Variants in RBCK1 observed in about 807,000 individuals in gnomAD.
The protein encoded by RBCK1 is ranBP-type and C3HC4-type zinc finger-containing protein 1.
In RBCK1, 44 loss-of-function variants were observed where a neutral mutation model predicts 71.1. The ratio of observed to expected loss-of-function variants is 0.62; its 90% CI spans 0.49 to 0.80. The LOEUF is 0.80. Among genes scored for constraint, RBCK1 ranks in the 30% least tolerant of loss-of-function variants. The pLI is 0.00. For synonymous variants in RBCK1, 306 were observed against 279.7 expected (o/e 1.09, Z -0.94); for missense variants, 569 against 685.0 (o/e 0.83, Z 1.89).
intron 2 of RBCK1, among the ~76,000 whole-genome samples, chr20:415,846 A>T (rs530780138): frequency 5.6e-4 from 85 of 152,328 alleles, no homozygotes; most frequent in African/African-American, 1.8e-3. Flanking sequence ...GGGAGCAGGC[A>T]CTTCACATGG....
chr20:418,931 T>C (rs1402626244), intron 4 of RBCK1, among the ~76,000 whole-genome samples: 2 of 152,232 alleles, frequency 1.3e-5, no homozygotes, highest in African/African-American at 4.8e-5. Flanking sequence ...AGCAAAAGAC[T>C]TGGCATTCTG....
intron 8 of RBCK1, among the ~76,000 whole-genome samples, 190 bp from the exon 9 acceptor site, chr20:427,123 G>C (rs1168732100): frequency 6.6e-6 from 1 of 152,080 alleles, no homozygotes; most frequent in Non-Finnish European, 1.5e-5. Context: ...ACAAGTGTAA[G>C]CCACCACACC....
Position 428,543 on chromosome 20 carries a change from G to C in RBCK1, c.1262G>C (p.Arg421Pro). 6.2e-7 allele frequency: 1 copy of C among 1,612,792 alleles called. No individual in the cohort carries two copies. Among genetic ancestry groups the C allele is most frequent in the Non-Finnish European group, 8.5e-7 (1 of 1,179,510 alleles). Residue 421 changes from arginine to proline, a missense_variant, in exon 10 of 12, where the codon CGG (arginine) becomes CCG (proline). This residue lies in a region of RBCK1 where 211 missense variants were observed against 309.4 expected (regional missense o/e 0.68). Coordinates refer to ENST00000356286, the MANE Select transcript of RBCK1 (RefSeq NM_031229.4). The surrounding 1 kb of genome is among the most constrained non-coding windows in gnomAD (Gnocchi z 5.7). ...CKEYQEDLALRAQNDVAARQT... is the reference protein window; with the variant it reads ...CKEYQEDLALPAQNDVAARQT... Reference sequence around the variant, plus strand: ...GAGTATCAGGAGGACCTGGCCCTGCGGGCTCAGAACGATGTGGCTGCCCGG... The same window carrying C: ...GAGTATCAGGAGGACCTGGCCCTGCCGGCTCAGAACGATGTGGCTGCCCGG...
chr20:423,491 T>C (rs2016549842), intron 8 of RBCK1, among the ~76,000 whole-genome samples: 3 of 152,156 alleles, frequency 2.0e-5, no homozygotes, highest in African/African-American at 7.2e-5. Context: ...CAACGGTGGA[T>C]AGAACATATT....
At chr20:415,259 C>A (rs1352510144) in intron 2 of RBCK1, among the ~76,000 whole-genome samples, 1 of 151,854 alleles carries the variant, frequency 6.6e-6, no homozygotes, top group Non-Finnish European at 1.5e-5. Context: ...TCCCAGCTAC[C>A]CAGGAGGCTG....
Position 417,707 on chromosome 20 carries a change from C to T in RBCK1, c.262-25C>T, listed in dbSNP as rs775672608. 1.2e-6 allele frequency: 2 copies of T among 1,606,438 alleles called. No homozygotes were observed. Among genetic ancestry groups the T allele is most frequent in the Admixed American group, 3.3e-5 (2 of 59,924 alleles). ...TCTCTCCTCTGGCCCTCCCTTCCCA[C>T]TCTCCCTCTCTTTGCCCCCACCAGG... is the stretch of plus-strand genomic sequence containing the variant. On this transcript the variant is annotated intron_variant, in intron 3 of 11. Coordinates refer to ENST00000356286, the MANE Select transcript of RBCK1 (RefSeq NM_031229.4). The surrounding 1 kb of genome is among the most constrained non-coding windows in gnomAD (Gnocchi z 4.7).
Position 408,534 on chromosome 20 carries a change from C to T in RBCK1, c.-224C>T, listed in dbSNP as rs775013342. Reference sequence around the variant, plus strand: ...CAGTGCGGACCTGTCTCGGCGCCCGCTGCCCTCTCACCGCCCCACGCAGGA... The same window carrying T: ...CAGTGCGGACCTGTCTCGGCGCCCGTTGCCCTCTCACCGCCCCACGCAGGA... On this transcript the variant is annotated 5_prime_UTR_variant, in exon 1 of 12. Transcript: ENST00000356286. The T allele has an allele frequency of 3.3e-4, 204 of 614,358 alleles. 1 individual carries two copies. Among genetic ancestry groups the T allele is most frequent in the Non-Finnish European group, 5.1e-4 (178 of 345,768 alleles). The allele number at this position is 614,358 out of a possible 1,614,324, so 38.1% of individuals were successfully genotyped here.
intron 2 of RBCK1, among the ~76,000 whole-genome samples, chr20:413,555 A>G (rs1283515381): frequency 6.6e-6 from 1 of 152,084 alleles, no homozygotes; most frequent in Non-Finnish European, 1.5e-5. Flanking sequence ...CTTCCACTTG[A>G]TCCCCTGAAT....
At chr20:410,090 C>T (rs2015615030) in intron 2 of RBCK1, 65 bp downstream of exon 2, 3 of 1,536,626 alleles carry the variant, frequency 2.0e-6, no homozygotes, top group African/African-American at 1.4e-5. Context: ...GCCTGTAGAA[C>T]AGTTCTTCCT....
At position 422,276 on chromosome 20, in the gene RBCK1, A is replaced by C; in HGVS notation, c.1029+38A>C. 1.3e-6 allele frequency: 2 copies of C among 1,556,504 alleles called. No individual in the cohort carries two copies. The highest frequency in any genetic ancestry group is 1.8e-6 in the Non-Finnish European group (2 of 1,129,960). ...GGTGGGAGACATACCCCAAGTCCCAACTCCTAAGGAACTGGGCCCTGAGCA... is the reference window on the plus strand; with the variant it reads ...GGTGGGAGACATACCCCAAGTCCCACCTCCTAAGGAACTGGGCCCTGAGCA... On this transcript the variant is annotated intron_variant, in intron 8 of 11. Transcript: ENST00000356286. The surrounding 1 kb of genome is among the most constrained non-coding windows in gnomAD (Gnocchi z 5.0).
chr20:430,566 T>C lies in RBCK1; in HGVS notation c.*136T>C, dbSNP rs2016968849. ...CTGCCTGCACTGCGGTTGTCCACGG[T>C]CACATCTGCCCCAGTGCCTTTGTCC... is the stretch of plus-strand genomic sequence containing the variant. On this transcript the variant is annotated 3_prime_UTR_variant, in exon 12 of 12. Coordinates refer to ENST00000356286, the MANE Select transcript of RBCK1 (RefSeq NM_031229.4). This position sits in a 1 kb window ranked among gnomAD's most constrained non-coding sequence, Gnocchi z 5.6. 1.2e-6 allele frequency: 1 copy of C among 837,528 alleles called. No homozygotes were observed. Among genetic ancestry groups the C allele is most frequent in the Admixed American group, 2.1e-5 (1 of 47,436 alleles). The allele number at this position is 837,528 out of a possible 1,614,324, so 51.9% of individuals were successfully genotyped here.
rs370397834 is a variant in RBCK1, at chr20:415,321, T to A, written c.168-2205T>A. On this transcript the variant is annotated intron_variant, in intron 2 of 11. Transcript: ENST00000356286. ...AGATTGAAGCTGCAGTGAGCCAAGA[T>A]CATGCCACTACACTCCATCCTGGGT... Among the ~76,000 whole-genome samples, 371 of 152,160 alleles carry A rather than the reference T, an allele frequency of 2.4e-3. 1 individual carries two copies. Among genetic ancestry groups the A allele is most frequent in the African/African-American group, 8.6e-3 (356 of 41,506 alleles).
intron 6 of RBCK1, chr20:420,581 A>G: frequency 1.0e-6 from 1 of 971,516 alleles, no homozygotes; most frequent in Non-Finnish European, 1.2e-6. Flanking sequence ...TTCCGTGGCT[A>G]CCTGGCCGGC....
At chr20:423,506 C>CA (rs961692021) in intron 8 of RBCK1, among the ~76,000 whole-genome samples, 5 of 151,386 alleles carry the variant, frequency 3.3e-5, no homozygotes, top group African/African-American at 7.3e-5. Context: ...CATATTCTTA[C>CA]AAAAAAAATT....
chr20:414,325 T>C (rs922731980), intron 2 of RBCK1, among the ~76,000 whole-genome samples: 3 of 152,078 alleles, frequency 2.0e-5, no homozygotes, highest in Non-Finnish European at 4.4e-5. Context: ...GATGAGAGGA[T>C]TATTAGACCC....
At chr20:418,308 A>C (rs1157996122) in intron 4 of RBCK1, among the ~76,000 whole-genome samples, 2 of 152,194 alleles carry the variant, frequency 1.3e-5, no homozygotes, top group Non-Finnish European at 2.9e-5. Flanking sequence ...AAAGTTGCTA[A>C]ATTTTACAAA....
At chr20:421,641 G>C (rs2016444093) in intron 7 of RBCK1, among the ~76,000 whole-genome samples, 1 of 152,184 alleles carries the variant, frequency 6.6e-6, no homozygotes, top group South Asian at 2.1e-4. Context: ...GGACCGGAAG[G>C]CCTGCTGTAG....
chr20:429,082 C>A lies in RBCK1; in HGVS notation c.1440C>A (p.Arg480=). ...TCTGCTGGGTCACCAAGGGCCCACG[C>A]TGGGGCCCTGGGGTGAGTCTTTGCT... ...TEICWVTKGP[R]WGPGGPGDTS... Residue 480 remains arginine, a synonymous_variant, in exon 11 of 12, where the codon CGC becomes CGA. Transcript: ENST00000356286. The A allele has an allele frequency of 1.2e-6, 2 of 1,611,856 alleles. No individual in the cohort carries two copies. The highest frequency in any genetic ancestry group is 2.2e-5 in the East Asian group (1 of 44,846).
At chr20:411,131 T>G (rs936665687) in intron 2 of RBCK1, among the ~76,000 whole-genome samples, 9 of 152,238 alleles carry the variant, frequency 5.9e-5, no homozygotes, top group Non-Finnish European at 1.2e-4. Flanking sequence ...TCATGCAATA[T>G]GTGGCCTTTT....
Sources: gnomAD v4.1 joint callset for allele counts (sites outside exome capture counted in the v4.1 genomes callset) on GRCh38, gnomAD v4.1.1 for gene constraint, gnomAD v4.1.1 regional missense constraint, Gnocchi (gnomAD v3.1) non-coding constraint, MANE v1.5 for transcripts, NCBI Gene and HGNC (gene_info 2026-07-23, HGNC 2026-07-21) for gene names.